SSR2: variants seen among roughly 807,000 people sequenced by gnomAD.
SSR2 encodes signal sequence receptor subunit 2.
Under a neutral mutation model 22.6 loss-of-function variants are expected in SSR2, and 16 were observed. The observed-to-expected ratio is 0.71, with a 90% CI of 0.48 to 1.08. The LOEUF is 1.08. Ranked by LOEUF, SSR2 falls within the 50% of genes least tolerant of loss-of-function variation. The probability of loss-of-function intolerance (pLI) is 0.00; values close to 1 mark genes in which losing one functional copy is unlikely to be tolerated. For synonymous variants in SSR2, 83 were observed against 91.2 expected (o/e 0.91, Z 0.51); for missense variants, 171 against 221.6 (o/e 0.77, Z 1.45).
At chr1:156,019,105 G>A (rs1413926520) in intron 2 of SSR2, 1 of 202,368 alleles carries the variant, frequency 4.9e-6, no homozygotes, top group African/African-American at 2.3e-5. Flanking sequence ...AAAAAAATCA[G>A]AATTGCAAAA....
chr1:156,016,302 C>T (rs1199854855), intron 3 of SSR2, among the ~76,000 whole-genome samples: 5 of 151,642 alleles, frequency 3.3e-5, no homozygotes, highest in Admixed American at 3.3e-4. Flanking sequence ...GGCATGATCT[C>T]AGCTCACTGC....
intron 4 of SSR2, chr1:156,013,652 T>C (rs1415151077): frequency 6.5e-6 from 1 of 153,134 alleles, no homozygotes; most frequent in African/African-American, 2.4e-5. Flanking sequence ...CTTGGCCTAA[T>C]TAGGATGTAG....
intron 5 of SSR2, 86 bp downstream of exon 5, chr1:156,011,724 C>T: frequency 8.8e-7 from 1 of 1,140,566 alleles, no homozygotes; most frequent in South Asian, 1.3e-5. Context: ...ACCAACAAAA[C>T]AAATCTGTGG....
intron 3 of SSR2, chr1:156,018,009 A>G (rs1558078222): frequency 3.7e-6 from 1 of 268,104 alleles, no homozygotes; most frequent in South Asian, 5.0e-5. Context: ...CGGCCTCCCA[A>G]AAATGCTGGG....
intron 5 of SSR2, chr1:156,011,137 G>A (rs980141758): frequency 6.6e-6 from 1 of 151,914 alleles, no homozygotes; most frequent in Non-Finnish European, 1.5e-5. Flanking sequence ...GTAAGATCTT[G>A]TTATTTTCAG....
At chr1:156,015,210 A>C in intron 3 of SSR2, 141 bp from the exon 4 acceptor site, 1 of 675,008 alleles carries the variant, frequency 1.5e-6, no homozygotes, top group South Asian at 1.8e-5. Flanking sequence ...GGAATGAAAA[A>C]ATATAGGCTT....
chr1:156,013,572 T>C (rs1159194007), intron 4 of SSR2: 1 of 152,810 alleles, frequency 6.5e-6, no homozygotes, highest in African/African-American at 2.4e-5. Context: ...GGGAAAAGGG[T>C]ACTTCAAACA....
chr1:156,012,396 T>C, intron 4 of SSR2: 2 of 372,750 alleles, frequency 5.4e-6, no homozygotes, highest in Non-Finnish European at 1.1e-5. Flanking sequence ...CAAATGTACA[T>C]TATTAGAGGA....
chr1:156,012,053 A>G, intron 4 of SSR2, 166 bp from the exon 5 acceptor site: 2 of 565,400 alleles, frequency 3.5e-6, no homozygotes, highest in African/African-American at 3.7e-5. Flanking sequence ...TTTTGGCTAG[A>G]GAGAGTTGGA....
intron 1 of SSR2, 52 bp from the exon 2 acceptor site, chr1:156,020,219 CA>C: frequency 6.2e-7 from 1 of 1,600,998 alleles, no homozygotes; most frequent in Non-Finnish European, 8.5e-7. Context: ...TCAAATTCAC[CA>C]AAATCCTCTT....
Position 156,009,506 on chromosome 1 carries a change from A to C in SSR2, c.*34T>G. 6.5e-7 allele frequency: 1 copy of C among 1,528,062 alleles called. No homozygotes were observed. The highest frequency in any genetic ancestry group is 1.1e-5 in the South Asian group (1 of 89,138). 94.7% of individuals were successfully genotyped at this position (1,528,062 alleles called of 1,614,324 possible). On this transcript the variant is annotated 3_prime_UTR_variant, in exon 6 of 6. Coordinates refer to ENST00000295702, the MANE Select transcript of SSR2 (RefSeq NM_003145.4). The stretch of plus-strand genomic sequence containing the variant: ...TGGATTTCTTGGGAGAGGAGCCTGG[A>C]TTTCTTGGGAGAGGAGGGCTGTGGA...
rs1683092552 is a variant in SSR2, at chr1:156,018,336, G to A, written c.188C>T (p.Ser63Phe). The A allele has an allele frequency of 1.9e-6, 3 of 1,613,830 alleles. No individual in the cohort carries two copies. The highest frequency in any genetic ancestry group is 2.7e-5 in the African/African-American group (2 of 74,996). ...AATGCCAAAGTCTTCTGGAGGGAAGGAATCATCAGATAGTTCCACGTCTAA... is the reference window on the plus strand; with the variant it reads ...AATGCCAAAGTCTTCTGGAGGGAAGAAATCATCAGATAGTTCCACGTCTAA... ...AALDVELSDD[S>F]FPPEDFGIVS... is the part of the protein sequence containing the mutation. Residue 63 changes from serine to phenylalanine, a missense_variant, in exon 3 of 6, where the codon TCC (serine) becomes TTC (phenylalanine). By Grantham distance (155) the Ser-to-Phe change is radical. Transcript: ENST00000295702.
chr1:156,018,412 T>A, intron 2 of SSR2, 44 bp from the exon 3 acceptor site: 15 of 1,545,272 alleles, frequency 9.7e-6, no homozygotes, highest in Non-Finnish European at 1.2e-5. Flanking sequence ...GTAATGGATA[T>A]AAAATTAAAG....
chr1:156,009,826 T>C (rs537721686), intron 5 of SSR2, among the ~76,000 whole-genome samples, 176 bp from the exon 6 acceptor site: 33 of 152,342 alleles, frequency 2.2e-4, no homozygotes, highest in African/African-American at 7.7e-4. Context: ...TAGGCTGGTA[T>C]GCAGTGGCAC....
chr1:156,015,615 A>G (rs1683044541), intron 3 of SSR2, among the ~76,000 whole-genome samples: 1 of 139,608 alleles, frequency 7.2e-6, no homozygotes, highest in African/African-American at 2.6e-5. Context: ...AGAGAGAGAG[A>G]TGGGGTCTCA....
chr1:156,014,912 AG>A (rs766773055), intron 4 of SSR2, 48 bp downstream of exon 4: 1 of 1,456,236 alleles, frequency 6.9e-7, no homozygotes, highest in South Asian at 1.2e-5. Flanking sequence ...AGAGATTTTA[AG>A]GGAAGGCAGA....
intron 3 of SSR2, among the ~76,000 whole-genome samples, chr1:156,017,630 G>A (rs1166182920): frequency 1.3e-5 from 2 of 150,886 alleles, no homozygotes; most frequent in East Asian, 2.0e-4. Flanking sequence ...TTACAGGCAT[G>A]AGCCACTGTG....
chr1:156,020,739 C>A, intron 1 of SSR2, 149 bp downstream of exon 1: 1 of 377,720 alleles, frequency 2.6e-6, no homozygotes. Context: ...CTGCCCCCCG[C>A]CTCCCGCCTC....
At chr1:156,017,739 GTT>G (rs757236241) in intron 3 of SSR2, among the ~76,000 whole-genome samples, 143 of 61,866 alleles carry the variant, frequency 2.3e-3, no homozygotes, top group Middle Eastern at 0.018. Context: ...TATGTTTCAG[GTT>G]TTTTTTTTTT....
Sources: gnomAD v4.1 joint callset for allele counts (sites outside exome capture counted in the v4.1 genomes callset) on GRCh38, gnomAD v4.1.1 for gene constraint, MANE v1.5 for transcripts, NCBI Gene and HGNC (gene_info 2026-07-23, HGNC 2026-07-21) for gene names.